The following PLCL1 variants were observed in gnomAD, a reference collection of about 807,000 sequenced individuals.
PLCL1 encodes the protein phospholipase C like 1 (inactive), also known as inactive phospholipase C-like protein 1.
Under a neutral mutation model 84.4 loss-of-function variants are expected in PLCL1, and 41 were observed. The ratio of observed to expected loss-of-function variants is 0.49; its 90% CI spans 0.38 to 0.63. The LOEUF is 0.63. Among genes scored for constraint, PLCL1 ranks in the 30% least tolerant of loss-of-function variants. The probability of loss-of-function intolerance (pLI) is 0.00; values close to 1 mark genes in which losing one functional copy is unlikely to be tolerated. For missense variants in PLCL1, 1,206 were observed against 1,367.8 expected (o/e 0.88, Z 1.87); for synonymous variants, 490 against 488.3 (o/e 1.00, Z -0.05).
intron 1 of PLCL1, among the ~76,000 whole-genome samples, chr2:197,809,668 A>G (rs1180216555): frequency 6.6e-6 from 1 of 151,756 alleles, no homozygotes; most frequent in Non-Finnish European, 1.5e-5. Flanking sequence ...CTTTCCCCAT[A>G]CCCCTGCAGA....
chr2:197,912,138 C>G (rs567099523), intron 1 of PLCL1, among the ~76,000 whole-genome samples: 24 of 152,278 alleles, frequency 1.6e-4, no homozygotes, highest in African/African-American at 5.3e-4. Context: ...TGGAATCCAT[C>G]AACTTGGTTT....
At chr2:197,863,827 C>G (rs1304304249) in intron 1 of PLCL1, among the ~76,000 whole-genome samples, 2 of 152,104 alleles carry the variant, frequency 1.3e-5, no homozygotes, top group Non-Finnish European at 2.9e-5. Context: ...TATTAAATTT[C>G]TCTATAAGGA....
At chr2:198,130,783 C>A (rs752522295) in intron 5 of PLCL1, among the ~76,000 whole-genome samples, 1 of 152,108 alleles carries the variant, frequency 6.6e-6, no homozygotes, top group Non-Finnish European at 1.5e-5. Context: ...CTTAATACCT[C>A]CCTAGGAAAC....
chr2:198,086,958 A>G lies in PLCL1; in HGVS notation c.2715+726A>G, dbSNP rs184229675. ...ATCATGAAAGAATTTGAAGTGATAT[A>G]AAACAAGCATAATGTCTATTAGGTT... On this transcript the variant is annotated intron_variant, in intron 2 of 5. Transcript: ENST00000428675. 4.5e-4 allele frequency among the ~76,000 whole-genome samples: 68 copies of G among 152,334 alleles called. No individual in the cohort carries two copies. The East Asian group carries it at 0.012, about 27-fold the overall frequency.
rs189763286 is a variant in PLCL1, at chr2:197,892,882, C to G, written c.240+87543C>G. On this transcript the variant is annotated intron_variant, in intron 1 of 5. Coordinates refer to ENST00000428675, the MANE Select transcript of PLCL1 (RefSeq NM_006226.4). The stretch of plus-strand genomic sequence containing the variant: ...TGGTGGCACGCGCCTGTAGTCCCAG[C>G]TACTCAGGAGGCTGAGGCAGGAGAA... 2.2e-3 allele frequency among the ~76,000 whole-genome samples: 336 copies of G among 152,216 alleles called. 2 individuals carry two copies. The highest frequency in any genetic ancestry group is 0.01 in the Middle Eastern group (3 of 294).
intron 1 of PLCL1, among the ~76,000 whole-genome samples, chr2:198,016,086 A>G (rs750920899): frequency 4.6e-5 from 7 of 152,188 alleles, no homozygotes; most frequent in Non-Finnish European, 5.9e-5. Context: ...GTGTAGTATC[A>G]TGTAAAATAG....
At chr2:198,129,208 C>A (rs1031703675) in intron 5 of PLCL1, among the ~76,000 whole-genome samples, 1 of 152,124 alleles carries the variant, frequency 6.6e-6, no homozygotes, top group Non-Finnish European at 1.5e-5. Context: ...CTTTCCAGGT[C>A]TTTTTCTGAT....
chr2:198,114,037 G>A (rs1208191840), intron 5 of PLCL1, among the ~76,000 whole-genome samples: 1 of 151,662 alleles, frequency 6.6e-6, no homozygotes, highest in Non-Finnish European at 1.5e-5. Flanking sequence ...TAGAATATTA[G>A]TATTAGTGTT....
At chr2:197,903,940 T>C (rs1201018282) in intron 1 of PLCL1, among the ~76,000 whole-genome samples, 1 of 151,610 alleles carries the variant, frequency 6.6e-6, no homozygotes, top group East Asian at 1.9e-4. Context: ...GTAGCTGGGA[T>C]TACAGGCATG....
chr2:197,925,759 A>T (rs898189487), intron 1 of PLCL1, among the ~76,000 whole-genome samples: 4 of 146,886 alleles, frequency 2.7e-5, no homozygotes, highest in South Asian at 2.2e-4. Flanking sequence ...CCTCCCTCAG[A>T]CCTCCTCTAC....
At chr2:198,054,590 T>C (rs767686803) in intron 1 of PLCL1, among the ~76,000 whole-genome samples, 1 of 152,212 alleles carries the variant, frequency 6.6e-6, no homozygotes, top group East Asian at 1.9e-4. Context: ...TCTTTGCCAG[T>C]TGGGCAGCAG....
chr2:197,864,227 C>T (rs79114712), intron 1 of PLCL1, among the ~76,000 whole-genome samples: 2,223 of 152,154 alleles, frequency 0.015, 61 homozygotes, highest in African/African-American at 0.051. Flanking sequence ...CTGCCAATTT[C>T]AGTATATCAC....
intron 5 of PLCL1, among the ~76,000 whole-genome samples, chr2:198,116,575 AACT>A (rs1693754016): frequency 1.3e-5 from 2 of 152,074 alleles, no homozygotes; most frequent in Admixed American, 1.3e-4. Flanking sequence ...CTCTTCAGAT[AACT>A]ACTTGAATAA....
chr2:198,020,270 G>A (rs1282573559), intron 1 of PLCL1, among the ~76,000 whole-genome samples: 1 of 152,160 alleles, frequency 6.6e-6, no homozygotes, highest in African/African-American at 2.4e-5. Context: ...ACCAGTACAA[G>A]TCACTGCAAA....
At chr2:197,942,421 T>C (rs989829545) in intron 1 of PLCL1, among the ~76,000 whole-genome samples, 3 of 152,194 alleles carry the variant, frequency 2.0e-5, no homozygotes, top group Admixed American at 6.5e-5. Flanking sequence ...GAAAGAATGA[T>C]TTATTTCTTC....
intron 1 of PLCL1, among the ~76,000 whole-genome samples, chr2:197,839,797 A>AT (rs1022830488): frequency 3.3e-4 from 50 of 152,244 alleles, no homozygotes; most frequent in African/African-American, 1.2e-3. Context: ...TATGATTTTT[A>AT]TTTTTTGCTT....
At chr2:197,808,079 C>A (rs915356410) in intron 1 of PLCL1, among the ~76,000 whole-genome samples, 1 of 152,064 alleles carries the variant, frequency 6.6e-6, no homozygotes, top group Non-Finnish European at 1.5e-5. Context: ...TGTTTCTTCC[C>A]CACATATAAC....
intron 1 of PLCL1, among the ~76,000 whole-genome samples, chr2:198,048,872 T>C (rs886346119): frequency 4.6e-5 from 7 of 152,196 alleles, no homozygotes; most frequent in African/African-American, 1.7e-4. Context: ...TTTCAACATA[T>C]GAATTTTGGG....
intron 1 of PLCL1, among the ~76,000 whole-genome samples, chr2:198,016,202 G>A (rs1690993831): frequency 6.6e-6 from 1 of 152,136 alleles, no homozygotes; most frequent in South Asian, 2.1e-4. Flanking sequence ...GATCCACAGA[G>A]TCTTTTACTT....
Sources: gnomAD v4.1 joint callset for allele counts (sites outside exome capture counted in the v4.1 genomes callset) on GRCh38, gnomAD v4.1.1 for gene constraint, MANE v1.5 for transcripts, NCBI Gene and HGNC (gene_info 2026-07-23, HGNC 2026-07-21) for gene names.